FCRL3: variants seen among roughly 807,000 people sequenced by gnomAD.
FCRL3 encodes the protein Fc receptor like 3, also known as Fc receptor-like protein 3.
A neutral mutation model predicts 75.0 loss-of-function variants in FCRL3; 89 were observed. The ratio of observed to expected loss-of-function variants is 1.19; its 90% CI spans 1.00 to 1.42. The LOEUF is 1.42. Ranked by LOEUF, FCRL3 falls within the 40% of genes most tolerant of loss-of-function variation. The pLI, the probability that FCRL3 is intolerant of heterozygous loss-of-function variation, is 0.00. For synonymous variants in FCRL3, 376 were observed against 348.5 expected (o/e 1.08, Z -0.88); for missense variants, 946 against 880.0 (o/e 1.07, Z -0.95).
chr1:157,676,884 G>T lies in FCRL3; in HGVS notation c.*1826C>A. On this transcript the variant is annotated 3_prime_UTR_variant, in exon 15 of 15. Coordinates refer to ENST00000368184, the MANE Select transcript of FCRL3 (RefSeq NM_052939.4). ...AATCAGCAGCAGGGTTAGAAAGGAGGAGAGCCTCCATATACAGCCTGGTGG... is the reference window on the plus strand; with the variant it reads ...AATCAGCAGCAGGGTTAGAAAGGAGTAGAGCCTCCATATACAGCCTGGTGG... 6.6e-7 allele frequency: 1 copy of T among 1,507,640 alleles called. No homozygotes were observed. Among genetic ancestry groups the T allele is most frequent in the Non-Finnish European group, 8.9e-7 (1 of 1,129,902 alleles). 93.4% of individuals were successfully genotyped at this position (1,507,640 alleles called of 1,614,324 possible). A position where few individuals can be genotyped will look rare whatever the true frequency, so the allele number is the denominator to read the frequency against.
intron 8 of FCRL3, chr1:157,691,783 C>T (rs1655560266): frequency 6.6e-6 from 1 of 152,152 alleles, no homozygotes; most frequent in Non-Finnish European, 1.5e-5. Flanking sequence ...CCTCTTGCAT[C>T]CCCTCCTCTA....
rs190625090 is a variant in FCRL3 at position 157,696,227 on chromosome 1, T to C, written c.945A>G (p.Ser315=). Reference sequence around the variant, plus strand: ...TGTGCCAGGAGAATGTGACAGTCCCTGAACCCTGGGCTACTGAGCAAATAA... The same window carrying C: ...TGTGCCAGGAGAATGTGACAGTCCCCGAACCCTGGGCTACTGAGCAAATAA... ...MVLICSVAQG[S]GTVTFSWHKE... Residue 315 remains serine, a synonymous_variant, in exon 7 of 15, where the codon TCA becomes TCG. Transcript: ENST00000368184. 7 of 1,614,048 alleles carry C rather than the reference T, an allele frequency of 4.3e-6. No individual in the cohort carries two copies. In the East Asian group the frequency reaches 1.3e-4, roughly 31 times the overall value.
intron 6 of FCRL3, 159 bp downstream of exon 6, chr1:157,696,981 C>T: frequency 3.4e-6 from 2 of 580,976 alleles, no homozygotes; most frequent in Non-Finnish European, 2.6e-6. Context: ...AGAAAATGTT[C>T]TAGGGCTGTT....
chr1:157,696,403 A>G (rs1655911878), intron 6 of FCRL3, 76 bp from the exon 7 acceptor site: 1 of 1,529,158 alleles, frequency 6.5e-7, no homozygotes, highest in Non-Finnish European at 8.9e-7. Context: ...TGGAGCTACC[A>G]TGAATAGGCC....
chr1:157,685,358 T>C (rs1256707907), intron 10 of FCRL3, among the ~76,000 whole-genome samples: 1 of 152,038 alleles, frequency 6.6e-6, no homozygotes, highest in East Asian at 1.9e-4. Context: ...AAACAAATAA[T>C]TATTGCTTCC....
chr1:157,680,937 C>T (rs2101587438), intron 12 of FCRL3, 44 bp downstream of exon 12: 3 of 1,517,134 alleles, frequency 2.0e-6, no homozygotes, highest in Non-Finnish European at 1.8e-6. Context: ...CTCTTCCCTC[C>T]CTGGCTCCTC....
In FCRL3 at chr1:157,679,828, C is replaced by CAAAAAAAAAAAAAAAAAAAAAAAAAAA. The variant is rs879258382; in HGVS notation, c.2027-856_2027-855insTTTTTTTTTTTTTTTTTTTTTTTTTTT. Among the ~76,000 whole-genome samples the CAAAAAAAAAAAAAAAAAAAAAAAAAAA allele has an allele frequency of 2.9e-4, 8 of 27,906 alleles. 1 individual carries two copies. Among genetic ancestry groups the CAAAAAAAAAAAAAAAAAAAAAAAAAAA allele is most frequent in the Admixed American group, 7.1e-4 (1 of 1,414 alleles). The allele number at this position is 27,906 out of a possible 152,430, so 18.3% of individuals were successfully genotyped here. A position where few individuals can be genotyped will look rare whatever the true frequency, so the allele number is the denominator to read the frequency against. ...TGGGCGACAGAACGAGACCCCATCT[C>CAAAAAAAAAAAAAAAAAAAAAAAAAAA]ACAAAAAAAAAAAAAAAAAAAAAAA... On this transcript the variant is annotated intron_variant, in intron 13 of 14. Coordinates refer to ENST00000368184, the MANE Select transcript of FCRL3 (RefSeq NM_052939.4).
At chr1:157,678,879 G>A in intron 14 of FCRL3, 23 bp from the exon 15 acceptor site, 4 of 1,614,002 alleles carry the variant, frequency 2.5e-6, no homozygotes, top group Middle Eastern at 3.3e-4. Context: ...AACACAAAAG[G>A]TAAGTACCTA....
chr1:157,680,657 T>TA, intron 13 of FCRL3, 45 bp downstream of exon 13: 1 of 1,560,894 alleles, frequency 6.4e-7, no homozygotes, highest in Non-Finnish European at 8.8e-7. Flanking sequence ...CCCGTTTCAA[T>TA]AAAACACTGC....
chr1:157,676,601 G>T lies in FCRL3; in HGVS notation c.*2109C>A. ...AAAAGTCAAGTAGAGCACTGCATGA[G>T]AATAATTCATTTTACAGGGCAATCA... On this transcript the variant is annotated 3_prime_UTR_variant, in exon 15 of 15. Coordinates refer to ENST00000368184, the MANE Select transcript of FCRL3 (RefSeq NM_052939.4). The T allele has an allele frequency of 9.6e-7, 1 of 1,037,502 alleles. No individual in the cohort carries two copies. The highest frequency in any genetic ancestry group is 1.5e-5 in the South Asian group (1 of 64,840). The allele number at this position is 1,037,502 out of a possible 1,614,324, so 64.3% of individuals were successfully genotyped here. A position where few individuals can be genotyped will look rare whatever the true frequency, so the allele number is the denominator to read the frequency against.
Position 157,700,518 on chromosome 1 carries a change from A to T in FCRL3, c.-29T>A. On this transcript the variant is annotated 5_prime_UTR_variant, in exon 2 of 15. Coordinates refer to ENST00000368184, the MANE Select transcript of FCRL3 (RefSeq NM_052939.4). ...CACCGGCCGGGCAGAGGGTTGGGAA[A>T]GTCTGTCTCACCAAAAGCCCGACTT... 1 of 1,614,000 alleles carries T rather than the reference A, an allele frequency of 6.2e-7. No individual in the cohort carries two copies. The highest frequency in any genetic ancestry group is 8.5e-7 in the Non-Finnish European group (1 of 1,179,948).
chr1:157,696,275 C>A lies in FCRL3; in HGVS notation c.897G>T (p.Leu299=). The change falls in exon 7 of 15, where the codon CTG becomes CTT. Residue 299 remains leucine, a synonymous_variant. Coordinates refer to ENST00000368184, the MANE Select transcript of FCRL3 (RefSeq NM_052939.4). ...NLEIRPTGGQ[L]IEGENMVLIC... ...TAAGGACCATATTTTCTCCTTCAAT[C>A]AGCTGCCCTCCGGTGGGCCGGATCT... The A allele has an allele frequency of 6.2e-7, 1 of 1,614,106 alleles. No homozygotes were observed. Among genetic ancestry groups the A allele is most frequent in the Non-Finnish European group, 8.5e-7 (1 of 1,180,026 alleles).
chr1:157,698,671 G>A (rs746474669), intron 3 of FCRL3, 42 bp from the exon 4 acceptor site: 6 of 1,609,262 alleles, frequency 3.7e-6, no homozygotes, highest in Non-Finnish European at 4.2e-6. Context: ...GAAGGTCAAT[G>A]GGAGGTGGGC....
At chr1:157,695,307 G>T (rs1346763812) in intron 8 of FCRL3, 22 bp downstream of exon 8, 1 of 1,603,490 alleles carries the variant, frequency 6.2e-7, no homozygotes. Flanking sequence ...GCTGTTAACT[G>T]CTGTGGGTAT....
At position 157,679,328 on chromosome 1, in the gene FCRL3, C is replaced by T. The variant is rs1002746023; in HGVS notation, c.2027-355G>A. ...CATTATAACCCCAGAGGGGCACCCACCCCCAATCCACTGCAGACTTCTATG... is the reference window on the plus strand; with the variant it reads ...CATTATAACCCCAGAGGGGCACCCATCCCCAATCCACTGCAGACTTCTATG... On this transcript the variant is annotated intron_variant, in intron 13 of 14. Transcript: ENST00000368184. 6 of 321,292 alleles carry T rather than the reference C, an allele frequency of 1.9e-5. 1 individual carries two copies. The South Asian group carries it at 2.1e-4, about 12-fold the overall frequency. 19.9% of individuals were successfully genotyped at this position (321,292 alleles called of 1,614,324 possible).
chr1:157,699,927 G>A (rs1281685287), intron 2 of FCRL3, among the ~76,000 whole-genome samples: 1 of 152,038 alleles, frequency 6.6e-6, no homozygotes, highest in East Asian at 1.9e-4. Context: ...TTATTTACTT[G>A]GCCACGGCAC....
chr1:157,680,251 G>T (rs1654751414), intron 13 of FCRL3, among the ~76,000 whole-genome samples: 1 of 152,206 alleles, frequency 6.6e-6, no homozygotes, highest in Non-Finnish European at 1.5e-5. Flanking sequence ...TTTGGAATGG[G>T]TGTCATTGAG....
At chr1:157,694,895 T>C (rs1257429635) in intron 8 of FCRL3, among the ~76,000 whole-genome samples, 2 of 152,152 alleles carry the variant, frequency 1.3e-5, no homozygotes, top group Admixed American at 6.5e-5. Flanking sequence ...AGAGACACTT[T>C]AATGATCCAG....
intron 11 of FCRL3, 108 bp downstream of exon 11, chr1:157,683,109 A>T (rs1654950618): frequency 1.1e-5 from 14 of 1,279,340 alleles, no homozygotes; most frequent in Non-Finnish European, 1.5e-5. Flanking sequence ...GTAAGAACGT[A>T]AAAATGCTAC....
Sources: gnomAD v4.1 joint callset for allele counts (sites outside exome capture counted in the v4.1 genomes callset) on GRCh38, gnomAD v4.1.1 for gene constraint, MANE v1.5 for transcripts, NCBI Gene and HGNC (gene_info 2026-07-23, HGNC 2026-07-21) for gene names.